The following IYD variants were observed in gnomAD, a reference collection of about 807,000 sequenced individuals.
IYD encodes iodotyrosine deiodinase 1.
In IYD, 25 loss-of-function variants were observed where a neutral mutation model predicts 28.4. The ratio of observed to expected loss-of-function variants is 0.88; its 90% CI spans 0.64 to 1.23. IYD has a LOEUF of 1.23. Ranked by LOEUF, IYD falls within the 50% of genes most tolerant of loss-of-function variation. The pLI, the probability that IYD is intolerant of heterozygous loss-of-function variation, is 0.00. For synonymous variants in IYD, 140 were observed against 130.8 expected (o/e 1.07, Z -0.48); for missense variants, 352 against 357.9 (o/e 0.98, Z 0.13).
At chr6:150,370,224 C>CGCGT (rs1554229276) in intron 1 of IYD, among the ~76,000 whole-genome samples, 3 of 150,286 alleles carry the variant, frequency 2.0e-5, no homozygotes, top group Admixed American at 2.0e-4. Context: ...TGTGCGCGTG[C>CGCGT]GTGTGTGTGT....
In IYD at chr6:150,399,342, G is replaced by T. The variant is rs563592613; in HGVS notation, c.*1105G>T. ...CTGCTTACCATACATAGCACCCACA[G>T]TGTCTCCCTTCTCTTCTACCCCAAC... is the stretch of plus-strand genomic sequence containing the variant. On this transcript the variant is annotated 3_prime_UTR_variant, in exon 5 of 5. Coordinates refer to ENST00000344419, the MANE Select transcript of IYD (RefSeq NM_203395.3). The T allele has an allele frequency of 6.6e-6, 1 of 152,194 alleles. No homozygotes were observed. The highest frequency in any genetic ancestry group is 2.4e-5 in the African/African-American group (1 of 41,428). 9.4% of individuals were successfully genotyped at this position (152,194 alleles called of 1,614,324 possible). A position where few individuals can be genotyped will look rare whatever the true frequency, so the allele number is the denominator to read the frequency against.
chr6:150,376,121 C>G (rs985337744), intron 1 of IYD, among the ~76,000 whole-genome samples: 2 of 152,098 alleles, frequency 1.3e-5, no homozygotes, highest in African/African-American at 2.4e-5. Flanking sequence ...GGACTGATTG[C>G]TAGAAAGCTG....
intron 4 of IYD, among the ~76,000 whole-genome samples, chr6:150,394,691 T>C (rs1355892694): frequency 6.6e-6 from 1 of 152,182 alleles, no homozygotes; most frequent in African/African-American, 2.4e-5. Context: ...AGGAAGAAGG[T>C]CATGTGCTTT....
intron 1 of IYD, among the ~76,000 whole-genome samples, chr6:150,374,074 C>T (rs1266477711): frequency 6.6e-6 from 1 of 152,164 alleles, no homozygotes; most frequent in Non-Finnish European, 1.5e-5. Flanking sequence ...TAAAGGGTCT[C>T]AGAAGACAAA....
Position 150,393,609 on chromosome 6 carries a change from A to G in IYD, c.531-490A>G, listed in dbSNP as rs73782607. 7.1e-3 allele frequency among the ~76,000 whole-genome samples: 1,080 copies of G among 152,366 alleles called. 16 individuals are homozygous for G. The highest frequency in any genetic ancestry group is 0.024 in the African/African-American group (998 of 41,578). On this transcript the variant is annotated intron_variant, in intron 3 of 4. Transcript: ENST00000344419. ...TCTGTGCTAGAATAAAACTTCTGCC[A>G]AAATGTGTGGGCCAGGGTAATGAAA...
Position 150,402,257 on chromosome 6 carries a change from C to T in IYD, c.*4020C>T, listed in dbSNP as rs1030583128. On this transcript the variant is annotated 3_prime_UTR_variant, in exon 5 of 5. Coordinates refer to ENST00000344419, the MANE Select transcript of IYD (RefSeq NM_203395.3). Reference sequence around the variant, plus strand: ...ACTTCTAGGGCATGGCTGCCTCCTTCCTAGAGGCAGCAGGGGGAGAAAACA... The same window carrying T: ...ACTTCTAGGGCATGGCTGCCTCCTTTCTAGAGGCAGCAGGGGGAGAAAACA... 1.3e-5 allele frequency: 2 copies of T among 152,174 alleles called. No homozygotes were observed. Among genetic ancestry groups the T allele is most frequent in the Non-Finnish European group, 2.9e-5 (2 of 68,028 alleles). The allele number at this position is 152,174 out of a possible 1,614,324, so 9.4% of individuals were successfully genotyped here.
chr6:150,372,297 T>A (rs1436421893), intron 1 of IYD, among the ~76,000 whole-genome samples: 2 of 141,522 alleles, frequency 1.4e-5, no homozygotes, highest in Non-Finnish European at 3.0e-5. Flanking sequence ...TGTGTGACCA[T>A]GCTTATTAGA....
At chr6:150,395,812 G>A in intron 4 of IYD, 1 of 614,732 alleles carries the variant, frequency 1.6e-6, no homozygotes, top group East Asian at 2.7e-5. Flanking sequence ...GCTGGAGAGG[G>A]GCAGGCGGGG....
chr6:150,389,300 CTTA>C, intron 1 of IYD, 49 bp from the exon 2 acceptor site: 1 of 1,447,404 alleles, frequency 6.9e-7, no homozygotes, highest in Non-Finnish European at 9.7e-7. Flanking sequence ...CAGCGGTCAC[CTTA>C]TGACCAAGGG....
chr6:150,391,726 G>T (rs143529421), intron 2 of IYD, among the ~76,000 whole-genome samples: 1 of 151,976 alleles, frequency 6.6e-6, no homozygotes, highest in African/African-American at 2.4e-5. Context: ...TTATTTTTTT[G>T]AGACAGAGTT....
intron 1 of IYD, among the ~76,000 whole-genome samples, chr6:150,377,425 C>G (rs1777487558): frequency 6.6e-6 from 1 of 152,132 alleles, no homozygotes; most frequent in Non-Finnish European, 1.5e-5. Context: ...AGTCTCATTC[C>G]CCAGCCATAG....
intron 1 of IYD, among the ~76,000 whole-genome samples, chr6:150,386,470 A>G (rs888856371): frequency 6.6e-6 from 1 of 151,988 alleles, no homozygotes; most frequent in African/African-American, 2.4e-5. Flanking sequence ...CTGGTCCAAT[A>G]AGTCTGCTTA....
chr6:150,395,707 G>A, intron 4 of IYD: 2 of 754,504 alleles, frequency 2.7e-6, no homozygotes, highest in East Asian at 2.7e-5. Context: ...TCTCCAGTAT[G>A]GTGACTGGGT....
intron 4 of IYD, chr6:150,396,653 TC>T (rs1481558848): frequency 4.7e-6 from 2 of 421,674 alleles, no homozygotes; most frequent in Non-Finnish European, 8.4e-6. Flanking sequence ...GGCGGGCGGA[TC>T]ACGAGGTCAG....
intron 1 of IYD, among the ~76,000 whole-genome samples, chr6:150,378,166 T>TTTTTA (rs549576063): frequency 1.2e-4 from 18 of 152,122 alleles, no homozygotes; most frequent in Non-Finnish European, 1.8e-4. Flanking sequence ...TCTTCCTTTC[T>TTTTTA]TTTTATTTTA....
chr6:150,404,995 C>T lies in IYD; in HGVS notation c.*6758C>T, dbSNP rs2115079906. On this transcript the variant is annotated 3_prime_UTR_variant, in exon 5 of 5. Coordinates refer to ENST00000344419, the MANE Select transcript of IYD (RefSeq NM_203395.3). ...ATCACAACAAGCACAGTGCTTGGAA[C>T]ATAATAGGTGCTCAATAAATATTCA... 6.6e-6 allele frequency: 1 copy of T among 152,180 alleles called. No individual in the cohort carries two copies. Among genetic ancestry groups the T allele is most frequent in the East Asian group, 1.9e-4 (1 of 5,192 alleles). 9.4% of individuals were successfully genotyped at this position (152,180 alleles called of 1,614,324 possible). A position where few individuals can be genotyped will look rare whatever the true frequency, so the allele number is the denominator to read the frequency against.
intron 4 of IYD, among the ~76,000 whole-genome samples, chr6:150,395,241 A>C (rs1345216128): frequency 1.3e-5 from 2 of 152,180 alleles, no homozygotes; most frequent in African/African-American, 4.8e-5. Context: ...TAAACCCATA[A>C]AATAAATGTA....
At chr6:150,375,477 T>A (rs1777413134) in intron 1 of IYD, among the ~76,000 whole-genome samples, 1 of 152,232 alleles carries the variant, frequency 6.6e-6, no homozygotes, top group African/African-American at 2.4e-5. Flanking sequence ...CTTATGATCG[T>A]GATGGATAGA....
chr6:150,386,402 G>A (rs1777862723), intron 1 of IYD, among the ~76,000 whole-genome samples: 2 of 150,146 alleles, frequency 1.3e-5, no homozygotes, highest in South Asian at 4.2e-4. Flanking sequence ...TAGTTTAATT[G>A]CATTACAGTC....
Sources: gnomAD v4.1 joint callset for allele counts (sites outside exome capture counted in the v4.1 genomes callset) on GRCh38, gnomAD v4.1.1 for gene constraint, MANE v1.5 for transcripts, NCBI Gene and HGNC (gene_info 2026-07-23, HGNC 2026-07-21) for gene names.